The following LRRC2 variants were observed in gnomAD, a reference collection of about 807,000 sequenced individuals.
LRRC2 encodes the protein leucine-rich repeat-containing protein 2.
LRRC2 carries 27 observed loss-of-function variants against 40.2 expected under a neutral mutation model. That is an observed-to-expected ratio of 0.67 (90% confidence interval 0.49 to 0.93). LRRC2 has a LOEUF of 0.93. Ranked by LOEUF, LRRC2 falls within the 40% of genes least tolerant of loss-of-function variation. The pLI is 0.00. For synonymous variants in LRRC2, 147 were observed against 158.9 expected, an observed-to-expected ratio of 0.92 and a Z score of 0.56; for missense variants, 402 against 439.6, an observed-to-expected ratio of 0.91 and a Z score of 0.76.
intron 1 of LRRC2, among the ~76,000 whole-genome samples, chr3:46,553,944 C>T (rs1293823920): frequency 2.6e-5 from 4 of 152,116 alleles, no homozygotes; most frequent in Non-Finnish European, 5.9e-5. Context: ...TCCCTTCTTT[C>T]CTTTGATTTC....
chr3:46,560,413 A>G (rs1463901617), intron 1 of LRRC2, among the ~76,000 whole-genome samples: 1 of 152,226 alleles, frequency 6.6e-6, no homozygotes, highest in African/African-American at 2.4e-5. Flanking sequence ...GCAAAGACAT[A>G]GAATGCAATG....
chr3:46,532,731 C>A, intron 5 of LRRC2, 42 bp downstream of exon 5: 2 of 1,594,324 alleles, frequency 1.3e-6, no homozygotes, highest in South Asian at 2.3e-5. Flanking sequence ...TGTCATAAAC[C>A]AAATAAAAGT....
chr3:46,546,882 C>T (rs1231090940), intron 2 of LRRC2, among the ~76,000 whole-genome samples: 2 of 151,958 alleles, frequency 1.3e-5, no homozygotes, highest in African/African-American at 2.4e-5. Flanking sequence ...CAGTTTATAT[C>T]CCATTATCTC....
chr3:46,533,005 T>G, intron 4 of LRRC2, 96 bp from the exon 5 acceptor site: 1 of 1,252,980 alleles, frequency 8.0e-7, no homozygotes, highest in South Asian at 1.4e-5. Flanking sequence ...CTGTAAATAA[T>G]GATGGGGAAG....
intron 7 of LRRC2, among the ~76,000 whole-genome samples, chr3:46,522,129 C>A (rs1356593768): frequency 6.6e-6 from 1 of 152,064 alleles, no homozygotes; most frequent in Non-Finnish European, 1.5e-5. Context: ...AATCCCAGCA[C>A]TTTGGGAGGC....
intron 4 of LRRC2, among the ~76,000 whole-genome samples, chr3:46,535,590 T>C (rs1171745456): frequency 6.6e-6 from 1 of 152,138 alleles, no homozygotes; most frequent in African/African-American, 2.4e-5. Flanking sequence ...ATACTAAGAT[T>C]TAAAAAATTA....
intron 7 of LRRC2, among the ~76,000 whole-genome samples, chr3:46,526,021 C>T (rs1704055215): frequency 1.3e-5 from 2 of 151,762 alleles, no homozygotes; most frequent in South Asian, 2.1e-4. Context: ...GGCGCAACCT[C>T]GGCTTATTGC....
At chr3:46,533,047 G>C (rs1704189545) in intron 4 of LRRC2, 138 bp from the exon 5 acceptor site, 2 of 874,336 alleles carry the variant, frequency 2.3e-6, no homozygotes, top group African/African-American at 1.7e-5. Flanking sequence ...TTGGGTTTTG[G>C]GGGGTGTATC....
At chr3:46,524,752 T>C (rs35056755) in intron 7 of LRRC2, among the ~76,000 whole-genome samples, 9,821 of 152,304 alleles carry the variant, frequency 0.064, 473 homozygotes, top group South Asian at 0.17. Context: ...ACTTTCTTTT[T>C]ATATTTAACT....
rs145699452 is a variant in LRRC2 at position 46,546,417 on chromosome 3, G to T, written c.126-1164C>A. On this transcript the variant is annotated intron_variant, in intron 2 of 8. Coordinates refer to ENST00000395905, the MANE Select transcript of LRRC2 (RefSeq NM_024512.5). ...GACCAGCTTCTAGGACTGGGCATGCGGGAAGTCCCAGTCTGGACCACCAGG... is the reference window on the plus strand; with the variant it reads ...GACCAGCTTCTAGGACTGGGCATGCTGGAAGTCCCAGTCTGGACCACCAGG... Among the ~76,000 whole-genome samples the T allele has an allele frequency of 4.6e-5, 7 of 152,280 alleles. No individual in the cohort carries two copies. In the South Asian group the frequency reaches 1.5e-3, roughly 32 times the overall value.
intron 1 of LRRC2, among the ~76,000 whole-genome samples, chr3:46,556,144 A>G (rs1353607222): frequency 6.6e-6 from 1 of 151,488 alleles, no homozygotes; most frequent in Non-Finnish European, 1.5e-5. Flanking sequence ...TCCAAAGACA[A>G]GATCTCACTC....
chr3:46,555,100 T>C (rs1704762148), intron 1 of LRRC2, among the ~76,000 whole-genome samples: 1 of 152,224 alleles, frequency 6.6e-6, no homozygotes, highest in Non-Finnish European at 1.5e-5. Context: ...GGTCTTTTTA[T>C]TTATCGTTAA....
intron 8 of LRRC2, 76 bp downstream of exon 8, chr3:46,521,446 C>T: frequency 8.3e-7 from 1 of 1,206,478 alleles, no homozygotes; most frequent in Non-Finnish European, 1.1e-6. Context: ...GTCAATTTGA[C>T]TTCTATTAAC....
intron 5 of LRRC2, among the ~76,000 whole-genome samples, chr3:46,530,670 C>T (rs7621549): frequency 0.52 from 78,330 of 152,090 alleles, 21,052 homozygotes; most frequent in South Asian, 0.65. Flanking sequence ...AGCGAAGGCA[C>T]GTCTTACATG....
intron 1 of LRRC2, among the ~76,000 whole-genome samples, chr3:46,556,285 A>C (rs937587661): frequency 6.6e-6 from 1 of 151,874 alleles, no homozygotes; most frequent in African/African-American, 2.4e-5. Flanking sequence ...ATATCTGGCT[A>C]ATTTTTTTAA....
At chr3:46,537,124 G>GTTGT (rs903250099) in intron 4 of LRRC2, among the ~76,000 whole-genome samples, 15 of 152,084 alleles carry the variant, frequency 9.9e-5, no homozygotes, top group East Asian at 3.9e-4. Flanking sequence ...CTTGAAAAGG[G>GTTGT]TTGTTTGTTT....
intron 1 of LRRC2, among the ~76,000 whole-genome samples, chr3:46,563,772 G>A (rs750850542): frequency 9.2e-5 from 14 of 152,154 alleles, no homozygotes; most frequent in Non-Finnish European, 1.6e-4. Flanking sequence ...TTCACACACC[G>A]GCCCCCATGA....
At chr3:46,542,737 A>G (rs571812635) in intron 3 of LRRC2, among the ~76,000 whole-genome samples, 2 of 152,260 alleles carry the variant, frequency 1.3e-5, no homozygotes, top group South Asian at 4.1e-4. Flanking sequence ...GAAAAATTCT[A>G]TTGCAGGGTT....
chr3:46,520,941 C>T (rs1559407373), intron 8 of LRRC2, among the ~76,000 whole-genome samples: 1 of 152,224 alleles, frequency 6.6e-6, no homozygotes, highest in Non-Finnish European at 1.5e-5. Flanking sequence ...GATCTCTCCA[C>T]TCCTTTGGAA....
Sources: allele counts gnomAD v4.1 joint callset (sites outside exome capture counted in the v4.1 genomes callset), GRCh38; gene constraint gnomAD v4.1.1; transcripts MANE v1.5; gene names NCBI Gene and HGNC (gene_info 2026-07-23, HGNC 2026-07-21).